The following NEB variants were observed in gnomAD, a reference collection of about 807,000 sequenced individuals.
NEB encodes the protein nemaline myopathy type 2.
In NEB, 512 loss-of-function variants were observed where a neutral mutation model predicts 952.2. The observed-to-expected ratio is 0.54, with a 90% CI of 0.50 to 0.58. The LOEUF is 0.58. NEB is among the 20% of genes least tolerant of loss of function. The pLI is 0.00. For missense variants in NEB, 8,428 were observed against 9,231.1 expected, an observed-to-expected ratio of 0.91 and a Z score of 3.56; for synonymous variants, 2,900 against 3,149.8, an observed-to-expected ratio of 0.92 and a Z score of 2.66.
In NEB at chr2:151,610,798, G is replaced by C; in HGVS notation, c.11874C>G (p.Ile3958Met). 6.2e-7 allele frequency: 1 copy of C among 1,608,612 alleles called. No individual in the cohort carries two copies. The highest frequency in any genetic ancestry group is 8.5e-7 in the Non-Finnish European group (1 of 1,177,124). ...TGGCAGAATTACTCTTGGCCAGCAGGATATCTGGGGTGTCTGGCATCACGT... is the reference window on the plus strand; with the variant it reads ...TGGCAGAATTACTCTTGGCCAGCAGCATATCTGGGGTGTCTGGCATCACGT... ...SIHVMPDTPD[I>M]LLAKSNSANI... Residue 3958 changes from isoleucine to methionine, a missense_variant, in exon 79 of 182, where the codon ATC (isoleucine) becomes ATG (methionine). By Grantham distance (10) the Ile-to-Met change is conservative. Coordinates refer to ENST00000397345, the MANE Select transcript of NEB (RefSeq NM_001164508.2).
intron 109 of NEB, 61 bp from the exon 110 acceptor site, chr2:151,569,433 TCC>T: frequency 8.1e-7 from 1 of 1,235,864 alleles, no homozygotes; most frequent in Non-Finnish European, 1.2e-6. Context: ...AGTTAGCCTA[TCC>T]ATTGGTCTCA....
rs1354948924 is a variant in NEB, at chr2:151,490,457, C to A, written c.25212G>T (p.Gly8404=). The change falls in exon 180 of 182, where the codon GGG becomes GGT. Residue 8404 remains glycine (G), a synonymous_variant. Transcript: ENST00000397345. ...CTGAATGCTCAGACTTCTCCTCACC[C>A]CCACTGATGCTTAGTGCACTGGCAG... ...SRSASALSIS[G]GEEKSEHSEA... is the part of the protein sequence containing the mutation. 3 of 1,607,322 alleles carry A rather than the reference C, an allele frequency of 1.9e-6. No homozygotes were observed. The African/African-American group carries it at 4.0e-5, about 21-fold the overall frequency.
intron 54 of NEB, among the ~76,000 whole-genome samples, chr2:151,649,674 C>T (rs146497640): frequency 2.5e-3 from 387 of 152,216 alleles, no homozygotes; most frequent in Non-Finnish European, 4.3e-3. Context: ...GTGCTAGATA[C>T]TGGTGTCAGA....
At position 151,629,601 on chromosome 2, in the gene NEB, C is replaced by G. The variant is rs780275367; in HGVS notation, c.9769G>C (p.Asp3257His). The G allele has an allele frequency of 6.2e-7, 1 of 1,613,580 alleles. No homozygotes were observed. The highest frequency in any genetic ancestry group is 8.5e-7 in the Non-Finnish European group (1 of 1,179,776). ...ATGGGGATGGCGTCACTTCGCAAGT[C>G]GTAGCCTTTCTTTTTTGCTTCTTCA... ...ANEEAKKKGY[D>H]LRSDAIPIVA... is the part of the protein sequence containing the mutation. Residue 3257 changes from aspartate to histidine, a missense_variant, in exon 68 of 182, where the codon GAC (aspartate) becomes CAC (histidine). Physicochemically the swap from Asp to His is moderately conservative, Grantham distance 81. Around this residue, in one of 11 missense-constraint regions of NEB, gnomAD observed 1,772 missense variants for 1,960.3 expected, o/e 0.90. Coordinates refer to ENST00000397345, the MANE Select transcript of NEB (RefSeq NM_001164508.2).
rs1461410765 is a variant in NEB at position 151,490,066 on chromosome 2, C to T, written c.25309G>A (p.Ala8437Thr). 6.2e-7 allele frequency: 1 copy of T among 1,607,650 alleles called. No individual in the cohort carries two copies. The highest frequency in any genetic ancestry group is 1.7e-5 in the Admixed American group (1 of 59,138). Reference protein sequence around the residue: ...VFAVSTAYKHAKTTELPQQRS... With the variant: ...VFAVSTAYKHTKTTELPQQRS... ...TGTTGTGGGAGCTCTGTGGTTTTTGCATGTTTGTAAGCTGAAAAAAAGGGG... is the reference window on the plus strand; with the variant it reads ...TGTTGTGGGAGCTCTGTGGTTTTTGTATGTTTGTAAGCTGAAAAAAAGGGG... Residue 8437 changes from alanine to threonine, a missense_variant, in exon 181 of 182, where the codon GCA becomes ACA. Physicochemically the swap from Ala to Thr is moderately conservative, Grantham distance 58. This residue lies in a region of NEB where 3,374 missense variants were observed against 3,651.5 expected (regional missense o/e 0.92). Coordinates refer to ENST00000397345, the MANE Select transcript of NEB (RefSeq NM_001164508.2).
In NEB at chr2:151,563,772, T is replaced by C. The variant is rs556005765; in HGVS notation, c.18579+51A>G. 169 of 1,606,748 alleles carry C rather than the reference T, an allele frequency of 1.1e-4. 1 individual carries two copies. In the South Asian group the frequency reaches 1.6e-3, roughly 16 times the overall value. ...CGCTGGAGTTTCCTAACCAGCCCCT[T>C]GATCCCCAGTAAAGACTCTCAAACT... On this transcript the variant is annotated intron_variant, in intron 118 of 181. Coordinates refer to ENST00000397345, the MANE Select transcript of NEB (RefSeq NM_001164508.2).
Position 151,490,409 on chromosome 2 carries a change from C to T in NEB, c.25260G>A (p.Ser8420=), listed in dbSNP as rs1390774664. 25 of 1,596,390 alleles carry T rather than the reference C, an allele frequency of 1.6e-5. No homozygotes were observed. The highest frequency in any genetic ancestry group is 1.5e-4 in the Admixed American group (9 of 58,130). ...CAAAGACACCCCCGTCGCTGTAAGT[C>T]GAAAGGTGGTGGTCTGGTGCTTCTG... is the stretch of plus-strand genomic sequence containing the variant. The part of the protein sequence containing the change: ...EHSEAPDHHL[S]TYSDGGVFAV... The change falls in exon 180 of 182, where the codon TCG becomes TCA. Residue 8420 remains serine (S), a synonymous_variant. Coordinates refer to ENST00000397345, the MANE Select transcript of NEB (RefSeq NM_001164508.2).
rs1420255354 is a variant in NEB, at chr2:151,677,589, T to G, written c.3750A>C (p.Lys1250Asn). The G allele has an allele frequency of 6.2e-7, 1 of 1,613,790 alleles. No homozygotes were observed. Among genetic ancestry groups the G allele is most frequent in the Non-Finnish European group, 8.5e-7 (1 of 1,179,814 alleles). ...CATCACTGACTTGCTTCGTGTTCTG[T>G]TTTGCCTGGACCATAACTGGGGAGT... ...IVDSPVMVQAKQNTKQVSDIL... is the reference protein window; with the variant it reads ...IVDSPVMVQANQNTKQVSDIL... Residue 1250 changes from lysine (K) to asparagine (N), a missense_variant, in exon 34 of 182, where the codon AAA becomes AAC. Coordinates refer to ENST00000397345, the MANE Select transcript of NEB (RefSeq NM_001164508.2).
chr2:151,561,707 C>T (rs984758635), intron 121 of NEB, among the ~76,000 whole-genome samples: 2 of 151,884 alleles, frequency 1.3e-5, no homozygotes, highest in Non-Finnish European at 2.9e-5. Context: ...ATTACAACTG[C>T]CCTATCAGAG....
chr2:151,711,024 T>C (rs561088574), intron 10 of NEB, among the ~76,000 whole-genome samples: 13 of 152,314 alleles, frequency 8.5e-5, no homozygotes, highest in South Asian at 4.1e-4. Flanking sequence ...TTAAATTTAA[T>C]AGGAACTGGA....
intron 38 of NEB, among the ~76,000 whole-genome samples, chr2:151,670,326 G>A (rs1454939532): frequency 2.0e-5 from 3 of 152,014 alleles, no homozygotes; most frequent in African/African-American, 4.8e-5. Context: ...TTACTTACCC[G>A]TCTCTTTCTG....
chr2:151,634,371 C>T (rs1158558158), intron 64 of NEB, among the ~76,000 whole-genome samples: 1 of 152,024 alleles, frequency 6.6e-6, no homozygotes, highest in Non-Finnish European at 1.5e-5. Context: ...AGGCTGGGCA[C>T]GGTGGCTCAT....
intron 119 of NEB, among the ~76,000 whole-genome samples, chr2:151,563,365 T>C (rs541642473): frequency 3.3e-5 from 5 of 152,228 alleles, no homozygotes; most frequent in Admixed American, 2.6e-4. Flanking sequence ...CTTGATGCTT[T>C]TTCCTTTTCT....
chr2:151,678,297 A>G (rs1318222450), intron 32 of NEB, 110 bp from the exon 33 acceptor site: 2 of 635,222 alleles, frequency 3.1e-6, no homozygotes, highest in Non-Finnish European at 5.4e-6. Flanking sequence ...CTGTACTTCA[A>G]TAACCAAACA....
chr2:151,636,075 C>A (rs2098757827), intron 64 of NEB, among the ~76,000 whole-genome samples, 152 bp downstream of exon 64: 1 of 152,202 alleles, frequency 6.6e-6, no homozygotes, highest in Non-Finnish European at 1.5e-5. Context: ...TCAAGATTTT[C>A]ATTTCCCTTA....
At chr2:151,720,697 A>T (rs2099771808) in intron 9 of NEB, among the ~76,000 whole-genome samples, 1 of 152,186 alleles carries the variant, frequency 6.6e-6, no homozygotes, top group African/African-American at 2.4e-5. Context: ...TCCCAGGCTT[A>T]CATGACATGG....
chr2:151,505,447 C>T, intron 165 of NEB, 31 bp downstream of exon 165: 1 of 1,581,832 alleles, frequency 6.3e-7, no homozygotes, highest in South Asian at 1.1e-5. Context: ...TGGCCAGTCA[C>T]ACAAATGGAA....
chr2:151,673,013 T>C (rs749972227), intron 36 of NEB, among the ~76,000 whole-genome samples: 3 of 152,152 alleles, frequency 2.0e-5, no homozygotes, highest in Non-Finnish European at 4.4e-5. Flanking sequence ...TTTCATAGGG[T>C]TTCATAGGTT....
rs1346620337 is a variant in NEB at position 151,617,482 on chromosome 2, AAAAAAAGAG to A, written c.11077-23_11077-15del. On this transcript the variant is annotated splice_polypyrimidine_tract_variant and intron_variant, in intron 74 of 181. Transcript: ENST00000397345. ...AGTATATAAGCGCTACAAAAAAAAAAAAAAAAGAGAGAGAGAGAGAGAAAAATTATTTTG... is the reference window on the plus strand; with the variant it reads ...AGTATATAAGCGCTACAAAAAAAAAAAGAGAGAGAGAGAAAAATTATTTTG... The A allele has an allele frequency of 7.0e-7, 1 of 1,423,630 alleles. No homozygotes were observed. The highest frequency in any genetic ancestry group is 2.4e-5 in the Admixed American group (1 of 42,448). The allele number at this position is 1,423,630 out of a possible 1,614,324, so 88.2% of individuals were successfully genotyped here. A position where few individuals can be genotyped will look rare whatever the true frequency, so the allele number is the denominator to read the frequency against.
Sources: gnomAD v4.1 joint callset for allele counts (sites outside exome capture counted in the v4.1 genomes callset) on GRCh38, gnomAD v4.1.1 for gene constraint, gnomAD v4.1.1 regional missense constraint, MANE v1.5 for transcripts, NCBI Gene and HGNC (gene_info 2026-07-23, HGNC 2026-07-21) for gene names.